NEBL: variants seen among roughly 807,000 people sequenced by gnomAD.
The protein encoded by NEBL is LIM and SH3 protein 2.
A neutral mutation model predicts 140.2 loss-of-function variants in NEBL; 122 were observed. That is an observed-to-expected ratio of 0.87 (90% CI 0.75 to 1.01). The LOEUF (loss-of-function observed/expected upper bound fraction) is 1.01. NEBL is among the 50% of genes least tolerant of loss of function. NEBL has a pLI of 0.00. For synonymous variants in NEBL, 436 were observed against 398.9 expected (o/e 1.09, Z -1.11); for missense variants, 1,365 against 1,231.3 (o/e 1.11, Z -1.62).
intron 2 of NEBL, among the ~76,000 whole-genome samples, chr10:21,134,717 T>C (rs1426490068): frequency 3.9e-5 from 6 of 152,340 alleles, no homozygotes; most frequent in East Asian, 1.9e-4. Context: ...CTTTTAATAT[T>C]AGCAGATGCG....
chr10:21,067,667 G>C (rs1002608593), intron 2 of NEBL, among the ~76,000 whole-genome samples: 2 of 152,132 alleles, frequency 1.3e-5, no homozygotes, highest in Non-Finnish European at 2.9e-5. Flanking sequence ...CTTAATCTGA[G>C]AGAGAACACC....
At chr10:21,057,542 CTTTTTTTTTTT>C (rs5783764) in intron 2 of NEBL, among the ~76,000 whole-genome samples, 4 of 71,768 alleles carry the variant, frequency 5.6e-5, no homozygotes, top group East Asian at 4.8e-4. Flanking sequence ...AATGAAATTC[CTTTTTTTTTTT>C]TTTTTTTTTT....
chr10:21,063,365 C>A (rs143350888), intron 2 of NEBL, among the ~76,000 whole-genome samples: 8 of 152,238 alleles, frequency 5.3e-5, no homozygotes, highest in Non-Finnish European at 7.4e-5. Flanking sequence ...GCTCTAAGTT[C>A]CCAATTAATA....
chr10:21,029,196 T>G (rs2131799589), intron 2 of NEBL: 1 of 1,412,072 alleles, frequency 7.1e-7, no homozygotes, highest in East Asian at 2.3e-5. Flanking sequence ...ATAGGGCGCC[T>G]CCAATTGACC....
intron 2 of NEBL, among the ~76,000 whole-genome samples, chr10:21,148,651 G>A (rs961753099): frequency 2.0e-5 from 3 of 152,012 alleles, no homozygotes; most frequent in African/African-American, 4.8e-5. Context: ...TCAGCCTCCC[G>A]AGTAGCTGAG....
chr10:20,973,062 C>T (rs1020082949), intron 3 of NEBL, among the ~76,000 whole-genome samples: 1 of 151,892 alleles, frequency 6.6e-6, no homozygotes, highest in Non-Finnish European at 1.5e-5. Context: ...CTTAGCTAAC[C>T]GTAAGAGCTC....
chr10:21,174,994 C>T (rs1390456839), upstream of NEBL: 1 of 152,188 alleles, frequency 6.6e-6, no homozygotes, highest in Admixed American at 6.5e-5. Flanking sequence ...AGTTCTTCAC[C>T]TGCATTAAGG....
intron 12 of NEBL, 75 bp downstream of exon 12, chr10:20,845,183 G>T: frequency 1.1e-6 from 1 of 919,254 alleles, no homozygotes; most frequent in Non-Finnish European, 1.8e-6. Context: ...AATTAGTAGA[G>T]AATTAGGTAA....
At chr10:20,985,802 TA>T (rs918053365) in intron 3 of NEBL, among the ~76,000 whole-genome samples, 5 of 151,992 alleles carry the variant, frequency 3.3e-5, no homozygotes, top group Admixed American at 6.6e-5. Flanking sequence ...ATTATGTTTT[TA>T]AAAAAAACCA....
intron 3 of NEBL, among the ~76,000 whole-genome samples, chr10:21,189,550 T>C (rs1285486796): frequency 1.3e-5 from 2 of 152,232 alleles, no homozygotes; most frequent in African/African-American, 2.4e-5. Context: ...CTGCAAACTC[T>C]GCCTCCCGGG....
chr10:21,083,403 T>G (rs1383936321), intron 2 of NEBL, among the ~76,000 whole-genome samples: 1 of 152,124 alleles, frequency 6.6e-6, no homozygotes, highest in Non-Finnish European at 1.5e-5. Flanking sequence ...CCCACCTCCT[T>G]GTAGCAATGA....
chr10:20,888,044 T>C, intron 4 of NEBL, 53 bp downstream of exon 4: 1 of 1,255,014 alleles, frequency 8.0e-7, no homozygotes, highest in South Asian at 1.2e-5. Flanking sequence ...GTAGCTTTTT[T>C]CCAGTTATAT....
At chr10:20,828,094 C>T (rs760426648) in intron 17 of NEBL, among the ~76,000 whole-genome samples, 4 of 151,842 alleles carry the variant, frequency 2.6e-5, no homozygotes, top group Non-Finnish European at 2.9e-5. Flanking sequence ...AAAAAAAGTG[C>T]TGATGCAATT....
chr10:21,231,879 T>A (rs912711729), intron 3 of NEBL, among the ~76,000 whole-genome samples: 4 of 151,982 alleles, frequency 2.6e-5, no homozygotes, highest in Non-Finnish European at 5.9e-5. Flanking sequence ...AAAAAAAACT[T>A]GAAAACTTAA....
intron 2 of NEBL, among the ~76,000 whole-genome samples, chr10:21,087,359 CT>C (rs1272661158): frequency 3.3e-5 from 5 of 151,890 alleles, no homozygotes; most frequent in Admixed American, 6.6e-5. Flanking sequence ...CATAATTAAG[CT>C]TTTTTTTATT....
At chr10:20,790,330 T>C (rs936534756) in intron 26 of NEBL, among the ~76,000 whole-genome samples, 7 of 151,844 alleles carry the variant, frequency 4.6e-5, no homozygotes, top group Admixed American at 1.3e-4. Context: ...AAAAAATAAC[T>C]GATGGGTCAC....
chr10:21,246,975 C>A (rs1842525057), intron 3 of NEBL, among the ~76,000 whole-genome samples: 1 of 152,094 alleles, frequency 6.6e-6, no homozygotes, highest in Non-Finnish European at 1.5e-5. Context: ...GTGTGAATTT[C>A]CCCCTTGCTG....
intron 1 of NEBL, among the ~76,000 whole-genome samples, chr10:21,259,062 A>T (rs1842702328): frequency 6.7e-6 from 1 of 149,826 alleles, no homozygotes; most frequent in Admixed American, 6.7e-5. Flanking sequence ...GGAAAAAAAG[A>T]CGCACAGTCT....
At chr10:21,002,758 A>G (rs535896558) in intron 3 of NEBL, among the ~76,000 whole-genome samples, 2 of 152,264 alleles carry the variant, frequency 1.3e-5, no homozygotes, top group African/African-American at 4.8e-5. Context: ...CTCACTTACC[A>G]TCACGAGAAC....
Sources: gnomAD v4.1 joint callset for allele counts (sites outside exome capture counted in the v4.1 genomes callset) on GRCh38, gnomAD v4.1.1 for gene constraint, MANE v1.5 for transcripts, NCBI Gene and HGNC (gene_info 2026-07-23, HGNC 2026-07-21) for gene names.